IKZF1: variants seen among roughly 807,000 people sequenced by gnomAD.
IKZF1 encodes the protein DNA-binding protein Ikaros.
In IKZF1, 10 loss-of-function variants were observed where a neutral mutation model predicts 51.7. The observed-to-expected ratio is 0.19, with a 90% confidence interval of 0.12 to 0.33. The LOEUF is 0.33. Ranked by LOEUF, IKZF1 falls within the 10% of genes least tolerant of loss-of-function variation. The probability of loss-of-function intolerance (pLI) is 1.00; values close to 1 mark genes in which losing one functional copy is unlikely to be tolerated. For missense variants in IKZF1, 484 were observed against 707.5 expected (o/e 0.68, Z 3.58); for synonymous variants, 280 against 282.3 (o/e 0.99, Z 0.08).
At chr7:50,394,878 T>C (rs1816257659) in intron 7 of IKZF1, among the ~76,000 whole-genome samples, 1 of 152,236 alleles carries the variant, frequency 6.6e-6, no homozygotes, top group African/African-American at 2.4e-5. Flanking sequence ...CTGATTAATC[T>C]AATTAGAAAA....
intron 3 of IKZF1, among the ~76,000 whole-genome samples, chr7:50,335,305 ATG>A (rs1797401787): frequency 8.1e-6 from 1 of 123,348 alleles, no homozygotes; most frequent in Non-Finnish European, 1.6e-5. Flanking sequence ...TGTGTATGGG[ATG>A]TGTGGTATGT....
chr7:50,385,697 A>G (rs1813178099), intron 5 of IKZF1, among the ~76,000 whole-genome samples: 1 of 152,268 alleles, frequency 6.6e-6, no homozygotes, highest in Non-Finnish European at 1.5e-5. Flanking sequence ...ATTTACAGGA[A>G]GCTATTTGAT....
At chr7:50,311,920 T>C (rs1790273526) in intron 1 of IKZF1, among the ~76,000 whole-genome samples, 1 of 152,160 alleles carries the variant, frequency 6.6e-6, no homozygotes, top group Admixed American at 6.5e-5. Flanking sequence ...AACACAGCAG[T>C]TCCTGGGGTC....
intron 7 of IKZF1, among the ~76,000 whole-genome samples, chr7:50,397,558 T>A (rs1585020489): frequency 6.6e-6 from 1 of 152,272 alleles, no homozygotes; most frequent in East Asian, 1.9e-4. Flanking sequence ...TGTAAAGACT[T>A]TTATATTTAG....
chr7:50,346,745 G>C (rs1370391836), intron 3 of IKZF1, among the ~76,000 whole-genome samples: 2 of 152,220 alleles, frequency 1.3e-5, no homozygotes, highest in African/African-American at 4.8e-5. Flanking sequence ...ATGGGAAACA[G>C]TTTGCCAAAG....
intron 3 of IKZF1, among the ~76,000 whole-genome samples, chr7:50,354,035 G>T (rs928250818): frequency 6.6e-6 from 1 of 152,132 alleles, no homozygotes; most frequent in African/African-American, 2.4e-5. Context: ...CCTGGAGGGC[G>T]CTGATTTGTG....
In IKZF1 at chr7:50,400,076, G is replaced by T; in HGVS notation, c.1009G>T (p.Gly337Cys). 6.3e-7 allele frequency: 1 copy of T among 1,584,626 alleles called. No individual in the cohort carries two copies. The highest frequency in any genetic ancestry group is 8.6e-7 in the Non-Finnish European group (1 of 1,167,414). Reference sequence around the variant, plus strand: ...CCCGCTGGTGCAGACGCCCCCGGGCGGTTCCGAGGTGGTCCCGGTCATCAG... The same window carrying T: ...CCCGCTGGTGCAGACGCCCCCGGGCTGTTCCGAGGTGGTCCCGGTCATCAG... ...LRPLVQTPPG[G>C]SEVVPVISPM... The change falls in exon 8 of 8, where the codon GGT becomes TGT. Residue 337 changes from glycine to cysteine, a missense_variant. Physicochemically the swap from Gly to Cys is radical, Grantham distance 159. Coordinates refer to ENST00000331340, the MANE Select transcript of IKZF1 (RefSeq NM_006060.6). This position sits in a 1 kb window ranked among gnomAD's most constrained non-coding sequence, Gnocchi z 5.4.
chr7:50,341,683 TA>T (rs1327948719), intron 3 of IKZF1, among the ~76,000 whole-genome samples: 7 of 152,214 alleles, frequency 4.6e-5, no homozygotes. Context: ...GTAGTCACAT[TA>T]AAAAAGAAAA....
At chr7:50,389,567 G>A (rs1354287307) in intron 6 of IKZF1, among the ~76,000 whole-genome samples, 1 of 152,206 alleles carries the variant, frequency 6.6e-6, no homozygotes, top group Non-Finnish European at 1.5e-5. Flanking sequence ...AGCCAGGCTC[G>A]CACTTAATTA....
At chr7:50,370,337 T>C (rs745668354) in intron 3 of IKZF1, among the ~76,000 whole-genome samples, 14 of 152,242 alleles carry the variant, frequency 9.2e-5, no homozygotes, top group Non-Finnish European at 1.9e-4. Flanking sequence ...ACTAACAGTG[T>C]ACATTATACC....
At chr7:50,374,112 C>T (rs1404980212) in intron 3 of IKZF1, among the ~76,000 whole-genome samples, 1 of 152,140 alleles carries the variant, frequency 6.6e-6, no homozygotes, top group African/African-American at 2.4e-5. Context: ...CCACCATGTC[C>T]CAGTTAATTC....
chr7:50,387,572 T>G, intron 6 of IKZF1, 102 bp downstream of exon 6: 1 of 1,398,736 alleles, frequency 7.1e-7, no homozygotes. Context: ...GCCTTGGGCC[T>G]GCTTCCTGCC....
intron 1 of IKZF1, among the ~76,000 whole-genome samples, chr7:50,314,930 G>A (rs1205557923): frequency 3.9e-5 from 6 of 152,242 alleles, no homozygotes. Flanking sequence ...CGGTGTGGAA[G>A]GAGGAAAGGC....
chr7:50,306,324 A>C (rs74607523), intron 1 of IKZF1, among the ~76,000 whole-genome samples: 1,883 of 152,300 alleles, frequency 0.012, 45 homozygotes, highest in African/African-American at 0.043. Flanking sequence ...CGTGACTCTT[A>C]AGTCTCACAG....
At chr7:50,319,655 G>A (rs1562725055) in intron 2 of IKZF1, among the ~76,000 whole-genome samples, 2 of 152,162 alleles carry the variant, frequency 1.3e-5, no homozygotes, top group Non-Finnish European at 2.9e-5. Context: ...GAGGGTGGAC[G>A]GCGAGCCAGT....
chr7:50,321,741 G>A (rs1014975792), intron 2 of IKZF1, among the ~76,000 whole-genome samples: 3 of 151,990 alleles, frequency 2.0e-5, no homozygotes, highest in African/African-American at 7.3e-5. Flanking sequence ...TTCCGATCTC[G>A]TATCTTAGTA....
chr7:50,307,600 A>G (rs991553982), intron 1 of IKZF1, among the ~76,000 whole-genome samples: 10 of 152,236 alleles, frequency 6.6e-5, no homozygotes, highest in Non-Finnish European at 1.3e-4. Flanking sequence ...GTGCTGAATA[A>G]TCATTCCATT....
intron 1 of IKZF1, among the ~76,000 whole-genome samples, chr7:50,314,150 G>T (rs774722426): frequency 5.9e-5 from 9 of 151,864 alleles, no homozygotes; most frequent in African/African-American, 2.2e-4. Context: ...TCGCTCTGTC[G>T]CCCAGGCTGG....
At chr7:50,377,034 A>G (rs962700481) in intron 4 of IKZF1, 2 of 614,592 alleles carry the variant, frequency 3.3e-6, no homozygotes, top group African/African-American at 3.7e-5. Context: ...GGAAAAGTGA[A>G]CAGCATCACA....
Sources: allele counts gnomAD v4.1 joint callset (sites outside exome capture counted in the v4.1 genomes callset), GRCh38; gene constraint gnomAD v4.1.1; non-coding constraint Gnocchi (gnomAD v3.1); transcripts MANE v1.5; gene names NCBI Gene and HGNC (gene_info 2026-07-23, HGNC 2026-07-21).